SPTBN2: variants seen among roughly 807,000 people sequenced by gnomAD.
SPTBN2 encodes the protein spectrin beta, non-erythrocytic 2, also known as spectrin beta chain, non-erythrocytic 2.
In SPTBN2, 107 loss-of-function variants were observed where a neutral mutation model predicts 284.2. The ratio of observed to expected loss-of-function variants is 0.38; its 90% CI spans 0.32 to 0.44. SPTBN2 has a LOEUF of 0.44. Among genes scored for constraint, SPTBN2 ranks in the 20% least tolerant of loss-of-function variants. The pLI, the probability that SPTBN2 is intolerant of heterozygous loss-of-function variation, is 1.00. For synonymous variants in SPTBN2, 1,289 were observed against 1,354.8 expected, an observed-to-expected ratio of 0.95 and a Z score of 1.07; for missense variants, 2,569 against 3,287.1, an observed-to-expected ratio of 0.78 and a Z score of 5.34.
At chr11:66,738,594 T>C (rs1942871785) in intron 1 of SPTBN2, among the ~76,000 whole-genome samples, 1 of 152,168 alleles carries the variant, frequency 6.6e-6, no homozygotes, top group East Asian at 1.9e-4. Flanking sequence ...CAGCTCACTA[T>C]AACCTGCACC....
chr11:66,729,963 G>A (rs1280265263), upstream of SPTBN2, among the ~76,000 whole-genome samples: 1 of 151,984 alleles, frequency 6.6e-6, no homozygotes, highest in East Asian at 1.9e-4. Flanking sequence ...CACCATGCCC[G>A]ACTAATTTTT....
chr11:66,716,458 C>A (rs541376984), intron 3 of SPTBN2, among the ~76,000 whole-genome samples: 2 of 148,394 alleles, frequency 1.3e-5, no homozygotes, highest in East Asian at 2.0e-4. Context: ...CCAGCCTGGG[C>A]GACAGAGCAA....
chr11:66,698,972 G>A lies in SPTBN2; in HGVS notation c.3867+20C>T, dbSNP rs373091212. 168 of 1,613,858 alleles carry A rather than the reference G, an allele frequency of 1.0e-4. No individual in the cohort carries two copies. The highest frequency in any genetic ancestry group is 2.2e-4 in the Admixed American group (13 of 60,024). ...GAAAGGGATGGCTAGGGAATATCCC[G>A]GGGCCCCAGGGAGCCTCACCTCGTG... On this transcript the variant is annotated intron_variant, in intron 19 of 37. Coordinates refer to ENST00000533211, the MANE Select transcript of SPTBN2 (RefSeq NM_006946.4).
At chr11:66,688,915 A>G (rs1178622549) in intron 30 of SPTBN2, 66 bp from the exon 31 acceptor site, 2 of 1,585,784 alleles carry the variant, frequency 1.3e-6, no homozygotes, top group African/African-American at 2.7e-5. Context: ...CACAGTGGCC[A>G]TGGCAACCTC....
intron 1 of SPTBN2, among the ~76,000 whole-genome samples, chr11:66,739,751 G>T (rs1205331780): frequency 6.6e-6 from 1 of 152,214 alleles, no homozygotes; most frequent in East Asian, 1.9e-4. Flanking sequence ...ATTATAGCCT[G>T]GGCGCAGTGG....
Position 66,701,050 on chromosome 11 carries a change from C to T in SPTBN2, c.3049G>A (p.Glu1017Lys), listed in dbSNP as rs763568121. Residue 1017 changes from glutamate to lysine, a missense_variant, in exon 17 of 38, where the codon GAA becomes AAA. Glu to Lys is a moderately conservative substitution (Grantham distance 56). Transcript: ENST00000533211. The part of the protein sequence containing the change: ...DLEAIAARVG[E>K]LTREANALAA... ...AGGGCATTTGCCTCTCGAGTCAGTTCGCCCACCCGGGCGGCGATGGCCTCC... is the reference window on the plus strand; with the variant it reads ...AGGGCATTTGCCTCTCGAGTCAGTTTGCCCACCCGGGCGGCGATGGCCTCC... The T allele has an allele frequency of 8.7e-6, 14 of 1,609,742 alleles. No individual in the cohort carries two copies. Among genetic ancestry groups the T allele is most frequent in the Middle Eastern group, 1.6e-4 (1 of 6,064 alleles).
rs189121083 is a variant in SPTBN2 at position 66,725,225 on chromosome 11, C to T, written c.-114+3516G>A. ...CCCCCACAGGGCCACCATGTTGCAA[C>T]TCCACAGCCTTCCATGTGAATGGTG... is the stretch of plus-strand genomic sequence containing the variant. On this transcript the variant is annotated intron_variant, in intron 1 of 37. Coordinates refer to ENST00000533211, the MANE Select transcript of SPTBN2 (RefSeq NM_006946.4). Among the ~76,000 whole-genome samples, 502 of 152,330 alleles carry T rather than the reference C, an allele frequency of 3.3e-3. 2 individuals are homozygous for T. The highest frequency in any genetic ancestry group is 5.0e-3 in the Non-Finnish European group (337 of 68,026).
At chr11:66,724,945 A>G (rs1361699617) in intron 1 of SPTBN2, among the ~76,000 whole-genome samples, 1 of 152,124 alleles carries the variant, frequency 6.6e-6, no homozygotes, top group Non-Finnish European at 1.5e-5. Flanking sequence ...GTTTTGTTAA[A>G]GTTACAAAGG....
Position 66,689,807 on chromosome 11 carries a change from C to T in SPTBN2, c.5947G>A (p.Glu1983Lys), listed in dbSNP as rs577312258. 6.2e-7 allele frequency: 1 copy of T among 1,613,606 alleles called. No homozygotes were observed. The highest frequency in any genetic ancestry group is 1.1e-5 in the South Asian group (1 of 91,068). The change falls in exon 29 of 38, where the codon GAG (glutamate) becomes AAG (lysine). Residue 1983 changes from glutamate to lysine, a missense_variant and splice_region_variant. Physicochemically the swap from Glu to Lys is moderately conservative, Grantham distance 56. Transcript: ENST00000533211. ...CCGGCCACCCAGGCCTCACCCACCT[C>T]CTCGGCCGCATAGTGGCTCCTGGCC... is the stretch of plus-strand genomic sequence containing the variant. The part of the protein sequence containing the change: ...LLARSHYAAE[E>K]ISEKLSQLQA...
At position 66,704,653 on chromosome 11, in the gene SPTBN2, G is replaced by C; in HGVS notation, c.2623C>G (p.Leu875Val). 6.2e-7 allele frequency: 1 copy of C among 1,612,146 alleles called. No individual in the cohort carries two copies. The highest frequency in any genetic ancestry group is 8.5e-7 in the Non-Finnish European group (1 of 1,179,628). Residue 875 changes from leucine to valine, a missense_variant, in exon 15 of 38, where the codon CTC (leucine) becomes GTC (valine). Leu to Val is a conservative substitution (Grantham distance 32, BLOSUM62 1). Around this residue, in one of 6 missense-constraint regions of SPTBN2, gnomAD observed 1,012 missense variants for 1,248.9 expected, o/e 0.81. Coordinates refer to ENST00000533211, the MANE Select transcript of SPTBN2 (RefSeq NM_006946.4). ...GLWVEEKEQWLNGLALPERLE... is the reference protein window; with the variant it reads ...GLWVEEKEQWVNGLALPERLE... ...CGTTCAGGCAGGGCCAGCCCGTTGA[G>C]CCACTGCTCCTTCTCCTCCACCCAG... is the stretch of plus-strand genomic sequence containing the variant.
At chr11:66,713,883 G>T in intron 7 of SPTBN2, 137 bp from the exon 8 acceptor site, 1 of 873,308 alleles carries the variant, frequency 1.1e-6, no homozygotes, top group Non-Finnish European at 1.9e-6. Context: ...CCACACTGCT[G>T]CTCACAGCCC....
intron 7 of SPTBN2, 142 bp downstream of exon 7, chr11:66,713,949 C>T (rs1942012270): frequency 8.4e-6 from 8 of 953,200 alleles, no homozygotes; most frequent in Non-Finnish European, 1.3e-5. Flanking sequence ...AGCCCTGCAC[C>T]CCCATGTTCT....
chr11:66,704,887 G>C lies in SPTBN2; in HGVS notation c.2389C>G (p.Arg797Gly), dbSNP rs2135444209. 6.2e-7 allele frequency: 1 copy of C among 1,611,334 alleles called. No individual in the cohort carries two copies. The highest frequency in any genetic ancestry group is 8.5e-7 in the Non-Finnish European group (1 of 1,179,898). Reference sequence around the variant, plus strand: ...GCGTCCAGGGTTGGCCGGTGGCTTCGAATCTCCTCCTCCAGGGCCCGATGC... The same window carrying C: ...GCGTCCAGGGTTGGCCGGTGGCTTCCAATCTCCTCCTCCAGGGCCCGATGC... Reference protein sequence around the residue: ...RQHRALEEEIRSHRPTLDALR... With the variant: ...RQHRALEEEIGSHRPTLDALR... The change falls in exon 15 of 38, where the codon CGA (arginine) becomes GGA (glycine). Residue 797 changes from arginine (R) to glycine (G), a missense_variant. Arg to Gly is a moderately radical substitution (Grantham distance 125). This residue lies in a region of SPTBN2 where 1,012 missense variants were observed against 1,248.9 expected (regional missense o/e 0.81). Coordinates refer to ENST00000533211, the MANE Select transcript of SPTBN2 (RefSeq NM_006946.4).
chr11:66,700,709 C>T lies in SPTBN2; in HGVS notation c.3390G>A (p.Glu1130=), dbSNP rs756633909. Residue 1130 remains glutamate (E), a synonymous_variant, in exon 17 of 38, where the codon GAG becomes GAA. Coordinates refer to ENST00000533211, the MANE Select transcript of SPTBN2 (RefSeq NM_006946.4). This position sits in a 1 kb window ranked among gnomAD's most constrained non-coding sequence, Gnocchi z 6.6. ...GGGGGTCAGCCTGGTCCCGGGTCAC[C>T]TCCTCGCCCAGGGCTCGCAGCCGGC... ...EYSRLRALGE[E]VTRDQADPQC... The T allele has an allele frequency of 1.2e-6, 2 of 1,605,016 alleles. No individual in the cohort carries two copies. Among genetic ancestry groups the T allele is most frequent in the African/African-American group, 2.7e-5 (2 of 75,046 alleles).
intron 20 of SPTBN2, among the ~76,000 whole-genome samples, chr11:66,696,792 G>A (rs1383092385): frequency 1.3e-5 from 2 of 152,206 alleles, no homozygotes; most frequent in Non-Finnish European, 2.9e-5. Context: ...GGAAGCCCTT[G>A]CACTCTCTTT....
rs931820973 is a variant in SPTBN2 at position 66,692,920 on chromosome 11, C to G, written c.4985+50G>C. 6 of 1,598,268 alleles carry G rather than the reference C, an allele frequency of 3.8e-6. No homozygotes were observed. In the African/African-American group the frequency reaches 6.7e-5, roughly 18 times the overall value. ...TCCACATTCCCTGCACCTTCCTGTT[C>G]CTGCAGCCGGCTCCACCCCCAGGCT... On this transcript the variant is annotated intron_variant, in intron 25 of 37. Coordinates refer to ENST00000533211, the MANE Select transcript of SPTBN2 (RefSeq NM_006946.4).
chr11:66,706,303 C>T (rs1028829332), intron 13 of SPTBN2, among the ~76,000 whole-genome samples: 1 of 152,222 alleles, frequency 6.6e-6, no homozygotes, highest in African/African-American at 2.4e-5. Context: ...TCAAATCTCT[C>T]CCCCTCTCAA....
rs78820829 is a variant in SPTBN2 at position 66,712,065 on chromosome 11, G to C, written c.773-1036C>G. 3.0e-3 allele frequency among the ~76,000 whole-genome samples: 453 copies of C among 152,320 alleles called. 1 individual carries two copies. Among genetic ancestry groups the C allele is most frequent in the African/African-American group, 0.01 (433 of 41,564 alleles). On this transcript the variant is annotated intron_variant, in intron 8 of 37. Transcript: ENST00000533211. The stretch of plus-strand genomic sequence containing the variant: ...CTCCACTTTCCCAGAGGCAGCGGAG[G>C]AAACAGGCTCTGGAGCCAGGCTGCC...
intron 36 of SPTBN2, 174 bp from the exon 37 acceptor site, chr11:66,686,614 C>T (rs1479600659): frequency 1.3e-6 from 1 of 747,702 alleles, no homozygotes; most frequent in Non-Finnish European, 2.3e-6. Context: ...TGCAGAAGCA[C>T]ATCCTTTCTG....
Sources: gnomAD v4.1 joint callset for allele counts (sites outside exome capture counted in the v4.1 genomes callset) on GRCh38, gnomAD v4.1.1 for gene constraint, gnomAD v4.1.1 regional missense constraint, Gnocchi (gnomAD v3.1) non-coding constraint, MANE v1.5 for transcripts, NCBI Gene and HGNC (gene_info 2026-07-23, HGNC 2026-07-21) for gene names.